Variants in AMACR observed in about 807,000 individuals in gnomAD.
AMACR encodes the protein alpha-methylacyl-CoA racemase.
A neutral mutation model predicts 22.2 loss-of-function variants in AMACR; 18 were observed. That is an observed-to-expected ratio of 0.81 (90% CI 0.56 to 1.20). AMACR has a LOEUF of 1.20. AMACR is among the 50% of genes most tolerant of loss of function. The pLI is 0.00. For missense variants in AMACR, 499 were observed against 490.6 expected, an observed-to-expected ratio of 1.02 and a Z score of -0.16; for synonymous variants, 213 against 191.3, an observed-to-expected ratio of 1.11 and a Z score of -0.94.
chr5:33,995,762 C>T (rs899190849), intron 4 of AMACR, among the ~76,000 whole-genome samples: 16 of 152,170 alleles, frequency 1.1e-4, no homozygotes, highest in African/African-American at 2.7e-4. Context: ...CTTCAAAAAC[C>T]GGCATTAAAG....
chr5:34,007,480 A>G (rs1463279482), intron 1 of AMACR, among the ~76,000 whole-genome samples: 1 of 152,218 alleles, frequency 6.6e-6, no homozygotes. Context: ...TAATTAAGAA[A>G]GGCAAATACG....
intron 3 of AMACR, among the ~76,000 whole-genome samples, chr5:34,004,085 AT>A (rs1219170453): frequency 2.5e-4 from 38 of 152,370 alleles, no homozygotes; most frequent in Admixed American, 1.8e-3. Context: ...AAGTGTTATG[AT>A]ATCAGAGCAT....
chr5:33,988,592 T>A lies in AMACR; in HGVS notation c.*501A>T, dbSNP rs1360400064. ...TTTGCAAATTACAAAGTGTGATAAC[T>A]GTTGCTAAAGTTTGGAATGTGCTTA... is the stretch of plus-strand genomic sequence containing the variant. On this transcript the variant is annotated 3_prime_UTR_variant, in exon 5 of 5. Coordinates refer to ENST00000335606, the MANE Select transcript of AMACR (RefSeq NM_014324.6). 6.0e-6 allele frequency: 8 copies of A among 1,332,908 alleles called. No individual in the cohort carries two copies. Among genetic ancestry groups the A allele is most frequent in the Non-Finnish European group, 7.7e-6 (8 of 1,043,442 alleles). 82.6% of individuals were successfully genotyped at this position (1,332,908 alleles called of 1,614,324 possible). A position where few individuals can be genotyped will look rare whatever the true frequency, so the allele number is the denominator to read the frequency against.
At position 33,986,531 on chromosome 5, in the gene AMACR, G is replaced by C. The variant is rs1031008217; in HGVS notation, c.*2562C>G. ...GAATAAACCATACACACTGCATTTTGTGCTGCCTGTCTGCTCAGATCTATT... is the reference window on the plus strand; with the variant it reads ...GAATAAACCATACACACTGCATTTTCTGCTGCCTGTCTGCTCAGATCTATT... On this transcript the variant is annotated 3_prime_UTR_variant, in exon 5 of 5. Transcript: ENST00000335606. 2.6e-5 allele frequency: 4 copies of C among 152,168 alleles called. No individual in the cohort carries two copies. Among genetic ancestry groups the C allele is most frequent in the Non-Finnish European group, 4.4e-5 (3 of 68,034 alleles). 9.4% of individuals were successfully genotyped at this position (152,168 alleles called of 1,614,324 possible). A position where few individuals can be genotyped will look rare whatever the true frequency, so the allele number is the denominator to read the frequency against.
At position 33,988,038 on chromosome 5, in the gene AMACR, G is replaced by C. The variant is rs1294186225; in HGVS notation, c.*1055C>G. 1 of 280,876 alleles carries C rather than the reference G, an allele frequency of 3.6e-6. No homozygotes were observed. The highest frequency in any genetic ancestry group is 6.6e-6 in the Non-Finnish European group (1 of 151,674). The allele number at this position is 280,876 out of a possible 1,614,324, so 17.4% of individuals were successfully genotyped here. A position where few individuals can be genotyped will look rare whatever the true frequency, so the allele number is the denominator to read the frequency against. ...TTCCTCTTGCGATTGTTGAACGGCAGTTGAGATACTGCGCAGAATGGACCT... is the reference window on the plus strand; with the variant it reads ...TTCCTCTTGCGATTGTTGAACGGCACTTGAGATACTGCGCAGAATGGACCT... On this transcript the variant is annotated 3_prime_UTR_variant, in exon 5 of 5. Transcript: ENST00000335606.
At chr5:33,996,479 G>T (rs1753639012) in intron 4 of AMACR, among the ~76,000 whole-genome samples, 3 of 152,144 alleles carry the variant, frequency 2.0e-5, no homozygotes, top group Admixed American at 2.0e-4. Flanking sequence ...AAAGATGGGA[G>T]ATTTATTGGT....
intron 1 of AMACR, among the ~76,000 whole-genome samples, chr5:34,006,663 C>A (rs1753988352): frequency 6.6e-6 from 1 of 152,212 alleles, no homozygotes; most frequent in African/African-American, 2.4e-5. Context: ...GACAAGCCTC[C>A]CTCATCTTAA....
At chr5:33,991,747 A>ATTG (rs914961468) in intron 4 of AMACR, among the ~76,000 whole-genome samples, 3 of 149,950 alleles carry the variant, frequency 2.0e-5, no homozygotes, top group African/African-American at 7.3e-5. Flanking sequence ...TATTATTATT[A>ATTG]TTATTATTTT....
At chr5:33,996,798 A>C (rs1370713487) in intron 4 of AMACR, among the ~76,000 whole-genome samples, 1 of 151,768 alleles carries the variant, frequency 6.6e-6, no homozygotes, top group Non-Finnish European at 1.5e-5. Flanking sequence ...AAGCAAACAA[A>C]AAAAAAAGGT....
intron 4 of AMACR, among the ~76,000 whole-genome samples, chr5:33,994,781 A>C (rs1325588751): frequency 6.6e-6 from 1 of 152,174 alleles, no homozygotes; most frequent in African/African-American, 2.4e-5. Flanking sequence ...GGGGAGTTAC[A>C]AAGTTTAAAC....
rs1242852999 is a variant in AMACR at position 34,007,887 on chromosome 5, G to A, written c.133C>T (p.Arg45Cys). 6.3e-7 allele frequency: 1 copy of A among 1,599,420 alleles called. No individual in the cohort carries two copies. Among genetic ancestry groups the A allele is most frequent in the East Asian group, 2.2e-5 (1 of 44,460 alleles). Residue 45 changes from arginine (R) to cysteine (C), a missense_variant, in exon 1 of 5, where the codon CGC becomes TGC. Transcript: ENST00000335606. ...AGCGAGCGCTTGCCCCGGCCCAAGC[G>A]GCTCACGTCGTAGCGGGAGCCGGGC... ...DRPGSRYDVS[R>C]LGRGKRSLVL...
intron 3 of AMACR, among the ~76,000 whole-genome samples, chr5:34,004,103 T>C (rs1055419396): frequency 6.6e-6 from 1 of 152,212 alleles, no homozygotes. Flanking sequence ...GCATCCCCTA[T>C]AAAACGCAGC....
chr5:34,002,431 G>A (rs1488481872), intron 3 of AMACR, among the ~76,000 whole-genome samples: 7 of 152,308 alleles, frequency 4.6e-5, no homozygotes, highest in Non-Finnish European at 1.5e-5. Context: ...TACTAGAGAA[G>A]TATCTAGGCT....
At position 33,987,987 on chromosome 5, in the gene AMACR, T is replaced by A. The variant is rs954819923; in HGVS notation, c.*1106A>T. On this transcript the variant is annotated 3_prime_UTR_variant, in exon 5 of 5. Transcript: ENST00000335606. ...CCTTCTGAGTCTCTGTTTTCTCAAC[T>A]GTAAGATGAAGAAACCTGCTCCACC... 1.0e-5 allele frequency: 2 copies of A among 195,734 alleles called. No individual in the cohort carries two copies. Among genetic ancestry groups the A allele is most frequent in the African/African-American group, 4.6e-5 (2 of 43,120 alleles). The allele number at this position is 195,734 out of a possible 1,614,324, so 12.1% of individuals were successfully genotyped here. A position where few individuals can be genotyped will look rare whatever the true frequency, so the allele number is the denominator to read the frequency against.
chr5:33,989,169 C>T lies in AMACR; in HGVS notation c.1073G>A (p.Gly358Glu), dbSNP rs1341401076. The T allele has an allele frequency of 6.2e-7, 1 of 1,614,166 alleles. No individual in the cohort carries two copies. Among genetic ancestry groups the T allele is most frequent in the Admixed American group, 1.7e-5 (1 of 60,020 alleles). ...CTGATAAATCTCTTCGCGGCTGAAT[C>T]CAAATTCTTCAAGTATCTCCTCAGT... ...EHTEEILEEFGFSREEIYQLN... is the reference protein window; with the variant it reads ...EHTEEILEEFEFSREEIYQLN... The change falls in exon 5 of 5, where the codon GGA becomes GAA. Residue 358 changes from glycine to glutamate, a missense_variant. Coordinates refer to ENST00000335606, the MANE Select transcript of AMACR (RefSeq NM_014324.6).
At position 33,996,893 on chromosome 5, in the gene AMACR, A is replaced by C. The variant is rs1442586715; in HGVS notation, c.739+1748T>G. On this transcript the variant is annotated intron_variant, in intron 4 of 4. Coordinates refer to ENST00000335606, the MANE Select transcript of AMACR (RefSeq NM_014324.6). ...GCACATGCCAAAGAATACAGATTTA[A>C]TTTAAGAAAATCATTAAACAAACAG... The C allele has an allele frequency of 2.8e-5, 11 of 398,616 alleles. No homozygotes were observed. The East Asian group carries it at 4.5e-4, about 16-fold the overall frequency. The allele number at this position is 398,616 out of a possible 1,614,324, so 24.7% of individuals were successfully genotyped here.
chr5:34,007,629 G>T, intron 1 of AMACR, 144 bp downstream of exon 1: 1 of 1,232,144 alleles, frequency 8.1e-7, no homozygotes, highest in Admixed American at 3.0e-5. Flanking sequence ...AATACCCTAG[G>T]AGGCAAAAAT....
At chr5:33,996,638 T>TGTGGTAGTGTG (rs11272840) in intron 4 of AMACR, among the ~76,000 whole-genome samples, 1 of 151,888 alleles carries the variant, frequency 6.6e-6, no homozygotes, top group African/African-American at 2.4e-5. Flanking sequence ...ATAAAAAATT[T>TGTGGTAGTGTG]TGCCTATAGT....
rs1753286547 is a variant in AMACR, at chr5:33,986,199, T to C, written c.*2894A>G. ...AAACTTTTTATAAATATAGACATTC[T>C]ATTTTTTACTACAAGTTTTCCACAC... On this transcript the variant is annotated 3_prime_UTR_variant, in exon 5 of 5. Transcript: ENST00000335606. 1 of 152,250 alleles carries C rather than the reference T, an allele frequency of 6.6e-6. No homozygotes were observed. The highest frequency in any genetic ancestry group is 2.1e-4 in the South Asian group (1 of 4,834). The allele number at this position is 152,250 out of a possible 1,614,324, so 9.4% of individuals were successfully genotyped here.
Sources: gnomAD v4.1 joint callset for allele counts (sites outside exome capture counted in the v4.1 genomes callset) on GRCh38, gnomAD v4.1.1 for gene constraint, MANE v1.5 for transcripts, NCBI Gene and HGNC (gene_info 2026-07-23, HGNC 2026-07-21) for gene names.